FLT3: variants seen among roughly 807,000 people sequenced by gnomAD.
The protein encoded by FLT3 is receptor-type tyrosine-protein kinase FLT3.
FLT3 carries 46 observed loss-of-function variants against 126.6 expected under a neutral mutation model. The observed-to-expected ratio is 0.36, with a 90% CI of 0.29 to 0.46. The LOEUF (loss-of-function observed/expected upper bound fraction) is 0.46, where lower values mean the gene tolerates loss of function less well. FLT3 is among the 20% of genes least tolerant of loss of function. FLT3 has a pLI of 1.00. For synonymous variants in FLT3, 404 were observed against 434.4 expected (o/e 0.93, Z 0.87); for missense variants, 1,069 against 1,190.3 (o/e 0.90, Z 1.50).
intron 1 of FLT3, among the ~76,000 whole-genome samples, chr13:28,073,218 A>G (rs1877681333): frequency 6.6e-6 from 1 of 151,908 alleles, no homozygotes; most frequent in Non-Finnish European, 1.5e-5. Flanking sequence ...GTGTGCGCCT[A>G]TAGTCCCAGC....
At chr13:28,023,326 G>GT in intron 19 of FLT3, 24 bp downstream of exon 19, 1 of 1,587,944 alleles carries the variant, frequency 6.3e-7, no homozygotes, top group Non-Finnish European at 8.5e-7. Flanking sequence ...TTTTTGGTTT[G>GT]TTTTTTCTTT....
chr13:28,046,843 G>A lies in FLT3; in HGVS notation c.1205+1432C>T, dbSNP rs1418196614. Among the ~76,000 whole-genome samples the A allele has an allele frequency of 4.6e-5, 7 of 151,982 alleles. No individual in the cohort carries two copies. In the South Asian group the frequency reaches 6.2e-4, roughly 14 times the overall value. On this transcript the variant is annotated intron_variant, in intron 9 of 23. Transcript: ENST00000241453. The stretch of plus-strand genomic sequence containing the variant: ...ACTCCTAGGATCAAGCGATCCACCC[G>A]CCTTGGCTTCATAAAGTGCTGGGAT...
intron 15 of FLT3, among the ~76,000 whole-genome samples, chr13:28,030,232 T>G (rs1202468339): frequency 6.6e-6 from 1 of 152,212 alleles, no homozygotes; most frequent in African/African-American, 2.4e-5. Flanking sequence ...GGGGTGGGAT[T>G]TCCTGTGGGC....
At chr13:28,005,185 C>T (rs567717865) in intron 23 of FLT3, among the ~76,000 whole-genome samples, 20 of 152,236 alleles carry the variant, frequency 1.3e-4, no homozygotes, top group East Asian at 5.8e-4. Flanking sequence ...CAAAACTAGC[C>T]GGGCATGGCG....
intron 4 of FLT3, among the ~76,000 whole-genome samples, chr13:28,054,866 C>A (rs1376076119): frequency 6.6e-6 from 1 of 152,126 alleles, no homozygotes; most frequent in Admixed American, 6.6e-5. Flanking sequence ...GTTTCTTGAC[C>A]ATTTAGGTTT....
chr13:28,058,836 A>G (rs1292520752), intron 3 of FLT3, among the ~76,000 whole-genome samples: 1 of 152,234 alleles, frequency 6.6e-6, no homozygotes, highest in African/African-American at 2.4e-5. Flanking sequence ...TATTTTGATG[A>G]TATGCTTTTT....
intron 5 of FLT3, among the ~76,000 whole-genome samples, chr13:28,050,668 G>A (rs1324313907): frequency 1.3e-5 from 2 of 152,036 alleles, no homozygotes; most frequent in East Asian, 1.9e-4. Context: ...AAAGTCACCC[G>A]AGTTCCCATA....
intron 9 of FLT3, among the ~76,000 whole-genome samples, chr13:28,044,913 C>T (rs1566079280): frequency 6.6e-6 from 1 of 152,170 alleles, no homozygotes; most frequent in Non-Finnish European, 1.5e-5. Flanking sequence ...AACACACTTA[C>T]TGAACAAGGC....
chr13:28,010,112 T>G (rs901350309), intron 23 of FLT3, among the ~76,000 whole-genome samples: 1 of 152,180 alleles, frequency 6.6e-6, no homozygotes, highest in Non-Finnish European at 1.5e-5. Flanking sequence ...ATGCTCTCTT[T>G]TTCTTTCTCA....
chr13:28,006,412 G>A (rs1870900495), intron 23 of FLT3, among the ~76,000 whole-genome samples: 1 of 151,798 alleles, frequency 6.6e-6, no homozygotes, highest in Non-Finnish European at 1.5e-5. Flanking sequence ...GTACCCTGAA[G>A]GATGAACAGT....
chr13:28,061,596 T>C (rs1424769548), intron 3 of FLT3, among the ~76,000 whole-genome samples: 1 of 151,194 alleles, frequency 6.6e-6, no homozygotes, highest in African/African-American at 2.4e-5. Flanking sequence ...TGAAAAACCA[T>C]GGTGCCTAGA....
chr13:28,010,911 G>A (rs146590528), intron 23 of FLT3, among the ~76,000 whole-genome samples: 3,609 of 151,528 alleles, frequency 0.024, 145 homozygotes, highest in African/African-American at 0.083. Context: ...GCTGAGGCAC[G>A]ATAATTGCTT....
intron 1 of FLT3, among the ~76,000 whole-genome samples, chr13:28,081,844 CTTTTTTTTTT>C (rs35243277): frequency 1.4e-4 from 9 of 64,988 alleles, no homozygotes; most frequent in South Asian, 7.5e-4. Context: ...TACTTTGATT[CTTTTTTTTTT>C]TTTTTTTTTT....
intron 4 of FLT3, among the ~76,000 whole-genome samples, chr13:28,054,730 T>A (rs899556535): frequency 1.3e-5 from 2 of 152,314 alleles, no homozygotes; most frequent in East Asian, 3.9e-4. Flanking sequence ...TAGAAAGAAG[T>A]CTTACCCTTG....
chr13:28,038,550 T>G (rs8000945), intron 9 of FLT3, among the ~76,000 whole-genome samples: 109,313 of 150,492 alleles, frequency 0.73, 40,933 homozygotes, highest in East Asian at 0.87. Context: ...CCTCCCGGGT[T>G]CCCACCACTC....
At chr13:28,095,875 C>CAGG (rs1879419460) in intron 1 of FLT3, among the ~76,000 whole-genome samples, 1 of 152,108 alleles carries the variant, frequency 6.6e-6, no homozygotes, top group South Asian at 2.1e-4. Context: ...CTCAAATGAG[C>CAGG]AGGAATACCC....
At position 28,049,453 on chromosome 13, in the gene FLT3, T is replaced by C. The variant is rs2137727771; in HGVS notation, c.967A>G (p.Asn323Asp). ...GAACAAGTGTAGTATCCGGTGTCGT[T>C]TCTTGCCACTGATGATACAAAAGCA... ...LFAFVSSVARNDTGYYTCSSS... is the reference protein window; with the variant it reads ...LFAFVSSVARDDTGYYTCSSS... The change falls in exon 8 of 24, where the codon AAC becomes GAC. Residue 323 changes from asparagine to aspartate, a missense_variant. By Grantham distance (23) the Asn-to-Asp change is conservative (BLOSUM62 1). Transcript: ENST00000241453. 3 of 1,613,842 alleles carry C rather than the reference T, an allele frequency of 1.9e-6. No homozygotes were observed. Among genetic ancestry groups the C allele is most frequent in the Non-Finnish European group, 2.5e-6 (3 of 1,179,886 alleles).
intron 2 of FLT3, chr13:28,067,944 T>C: frequency 2.8e-6 from 1 of 356,420 alleles, no homozygotes; most frequent in Non-Finnish European, 5.5e-6. Flanking sequence ...GTCATGATTG[T>C]CAAACACATT....
At chr13:28,091,265 A>C (rs1176729812) in intron 1 of FLT3, among the ~76,000 whole-genome samples, 4 of 107,746 alleles carry the variant, frequency 3.7e-5, no homozygotes, top group South Asian at 6.8e-4. Flanking sequence ...TCTGTCGCCC[A>C]GGCTGGAGTG....
Sources: allele counts gnomAD v4.1 joint callset (sites outside exome capture counted in the v4.1 genomes callset), GRCh38; gene constraint gnomAD v4.1.1; transcripts MANE v1.5; gene names NCBI Gene and HGNC (gene_info 2026-07-23, HGNC 2026-07-21).